Variants in NKAIN3 observed in about 807,000 individuals in gnomAD.
NKAIN3 encodes sodium/potassium transporting ATPase interacting 3.
A neutral mutation model predicts 30.2 loss-of-function variants in NKAIN3; 25 were observed. The ratio of observed to expected loss-of-function variants is 0.83; its 90% CI spans 0.60 to 1.16. The LOEUF is 1.16. NKAIN3 is among the 50% of genes most tolerant of loss of function. NKAIN3 has a pLI of 0.00. For synonymous variants in NKAIN3, 91 were observed against 89.6 expected (o/e 1.02, Z -0.09); for missense variants, 225 against 254.1 (o/e 0.89, Z 0.78).
At position 62,411,636 on chromosome 8, in the gene NKAIN3, G is replaced by A. The variant is rs370804606; in HGVS notation, c.54+162509G>A. 1.2e-4 allele frequency among the ~76,000 whole-genome samples: 19 copies of A among 152,262 alleles called. No individual in the cohort carries two copies. In the South Asian group the frequency reaches 2.7e-3, roughly 22 times the overall value. The stretch of plus-strand genomic sequence containing the variant: ...AACTATCTCTCTTCCCTGATGATAT[G>A]ATTTTATATCTGGAAAACCCTTAAG... On this transcript the variant is annotated intron_variant, in intron 1 of 6. Transcript: ENST00000623646.
intron 1 of NKAIN3, among the ~76,000 whole-genome samples, chr8:62,502,436 G>T (rs983019887): frequency 6.6e-6 from 1 of 151,964 alleles, no homozygotes. Context: ...CCCTTTCCCA[G>T]CCCTCACACT....
chr8:62,606,923 A>G (rs1411124453), intron 3 of NKAIN3, among the ~76,000 whole-genome samples: 1 of 152,170 alleles, frequency 6.6e-6, no homozygotes, highest in Non-Finnish European at 1.5e-5. Context: ...GTTATTTCCT[A>G]CATACAATTA....
At chr8:62,703,566 T>C (rs1211189469) in intron 3 of NKAIN3, among the ~76,000 whole-genome samples, 7 of 152,172 alleles carry the variant, frequency 4.6e-5, no homozygotes, top group African/African-American at 9.7e-5. Flanking sequence ...CCTCCTAAAA[T>C]CTTTTGCGGT....
intron 1 of NKAIN3, among the ~76,000 whole-genome samples, chr8:62,402,620 C>T (rs1215170698): frequency 6.6e-6 from 1 of 152,180 alleles, no homozygotes; most frequent in African/African-American, 2.4e-5. Context: ...CTTCTCCGTC[C>T]TGCCGCCCTG....
At chr8:62,688,339 T>C (rs543061939) in intron 3 of NKAIN3, among the ~76,000 whole-genome samples, 39 of 152,328 alleles carry the variant, frequency 2.6e-4, no homozygotes, top group African/African-American at 9.1e-4. Flanking sequence ...GAGCAGATGA[T>C]ACCTATCTTT....
intron 4 of NKAIN3, among the ~76,000 whole-genome samples, chr8:62,758,410 T>C (rs1446569758): frequency 2.0e-5 from 3 of 152,168 alleles, no homozygotes; most frequent in African/African-American, 7.2e-5. Context: ...ATGCTAACAT[T>C]TGAGGAATAT....
intron 3 of NKAIN3, among the ~76,000 whole-genome samples, chr8:62,698,619 T>C (rs1814237661): frequency 6.6e-6 from 1 of 152,226 alleles, no homozygotes; most frequent in Non-Finnish European, 1.5e-5. Flanking sequence ...TACTCTACTG[T>C]GTACAACCAA....
intron 3 of NKAIN3, among the ~76,000 whole-genome samples, chr8:62,608,108 T>G (rs1034546086): frequency 2.6e-5 from 4 of 152,116 alleles, no homozygotes; most frequent in African/African-American, 9.7e-5. Context: ...AACTAAGACA[T>G]ATACTTTCTT....
intron 1 of NKAIN3, among the ~76,000 whole-genome samples, chr8:62,317,136 G>A (rs1814666679): frequency 6.6e-6 from 1 of 152,058 alleles, no homozygotes; most frequent in Non-Finnish European, 1.5e-5. Flanking sequence ...GTTTTTTCTT[G>A]TAAATTTGTT....
chr8:62,726,852 TAAGACCA>T lies in NKAIN3; in HGVS notation c.274-20079_274-20073del, dbSNP rs1377614846. 3.3e-5 allele frequency among the ~76,000 whole-genome samples: 5 copies of T among 152,156 alleles called. No homozygotes were observed. In the East Asian group the frequency reaches 9.7e-4, roughly 29 times the overall value. ...TGAGGTTACTCCCTAAGTCATACTCTAAGACCAGCATTACTGTAATACCAAAACCAGA... is the reference window on the plus strand; with the variant it reads ...TGAGGTTACTCCCTAAGTCATACTCTGCATTACTGTAATACCAAAACCAGA... On this transcript the variant is annotated intron_variant, in intron 3 of 6. Transcript: ENST00000623646.
At chr8:62,271,532 A>G (rs959199899) in intron 1 of NKAIN3, among the ~76,000 whole-genome samples, 2 of 152,186 alleles carry the variant, frequency 1.3e-5, no homozygotes. Flanking sequence ...CTGTATCCCA[A>G]CCAATAATAT....
At chr8:62,860,526 G>A (rs901560234) in intron 4 of NKAIN3, among the ~76,000 whole-genome samples, 6 of 152,176 alleles carry the variant, frequency 3.9e-5, no homozygotes, top group African/African-American at 1.4e-4. Context: ...TCAAGGACTA[G>A]GCCTAAGCCT....
intron 1 of NKAIN3, among the ~76,000 whole-genome samples, chr8:62,260,001 AT>A (rs1010521792): frequency 5.3e-5 from 8 of 151,938 alleles, no homozygotes; most frequent in Admixed American, 2.0e-4. Flanking sequence ...CATTTTTTAG[AT>A]TTTTTTCTTT....
chr8:62,350,531 G>A (rs1012255582), intron 1 of NKAIN3, among the ~76,000 whole-genome samples: 1 of 152,000 alleles, frequency 6.6e-6, no homozygotes, highest in Non-Finnish European at 1.5e-5. Context: ...AAAGTTCTGG[G>A]GACCAACGGT....
chr8:62,440,731 C>G (rs543375263), intron 1 of NKAIN3, among the ~76,000 whole-genome samples: 1 of 150,636 alleles, frequency 6.6e-6, no homozygotes. Flanking sequence ...AGAGAGCTAA[C>G]GACTGTGAAA....
At chr8:62,703,940 C>G (rs188111306) in intron 3 of NKAIN3, among the ~76,000 whole-genome samples, 1 of 152,098 alleles carries the variant, frequency 6.6e-6, no homozygotes, top group Non-Finnish European at 1.5e-5. Flanking sequence ...AGCATTTGCT[C>G]TCTGTTCATA....
intron 3 of NKAIN3, among the ~76,000 whole-genome samples, chr8:62,698,425 G>A (rs994023309): frequency 2.0e-5 from 3 of 152,120 alleles, no homozygotes; most frequent in Non-Finnish European, 4.4e-5. Context: ...CTGCAGATTG[G>A]ATGCCAGAAT....
At chr8:62,479,243 T>A (rs1488277697) in intron 1 of NKAIN3, among the ~76,000 whole-genome samples, 1 of 152,194 alleles carries the variant, frequency 6.6e-6, no homozygotes, top group East Asian at 1.9e-4. Flanking sequence ...ATCACTATTA[T>A]TAGAACTGTA....
chr8:62,994,733 T>C (rs749490404), intron 5 of NKAIN3, among the ~76,000 whole-genome samples: 1 of 152,186 alleles, frequency 6.6e-6, no homozygotes, highest in Non-Finnish European at 1.5e-5. Flanking sequence ...GTAACCTACA[T>C]TTCCTCCATC....
Sources: gnomAD v4.1 joint callset for allele counts (sites outside exome capture counted in the v4.1 genomes callset) on GRCh38, gnomAD v4.1.1 for gene constraint, MANE v1.5 for transcripts, NCBI Gene and HGNC (gene_info 2026-07-23, HGNC 2026-07-21) for gene names.